FHOD3: variants seen among roughly 807,000 people sequenced by gnomAD.
FHOD3 encodes the protein formin homology 2 domain containing 3, also known as FH1/FH2 domain-containing protein 3.
In FHOD3, 90 loss-of-function variants were observed where a neutral mutation model predicts 173.0. That is an observed-to-expected ratio of 0.52 (90% CI 0.44 to 0.62). FHOD3 has a LOEUF of 0.62. Among genes scored for constraint, FHOD3 ranks in the 20% least tolerant of loss-of-function variants. The probability of loss-of-function intolerance (pLI) is 0.00; values close to 1 mark genes in which losing one functional copy is unlikely to be tolerated. For missense variants in FHOD3, 1,945 were observed against 2,034.7 expected (o/e 0.96, Z 0.85); for synonymous variants, 828 against 823.0 (o/e 1.01, Z -0.10).
chr18:36,602,937 A>G (rs2031586540), intron 8 of FHOD3, among the ~76,000 whole-genome samples, 169 bp downstream of exon 8: 1 of 152,196 alleles, frequency 6.6e-6, no homozygotes, highest in African/African-American at 2.4e-5. Context: ...TATAAGAGGA[A>G]AAGAGACACA....
At chr18:36,525,849 A>T (rs2146701214) in intron 5 of FHOD3, among the ~76,000 whole-genome samples, 1 of 152,224 alleles carries the variant, frequency 6.6e-6, no homozygotes, top group East Asian at 1.9e-4. Context: ...GCAATAAAGG[A>T]CTCTCTTCCA....
intron 3 of FHOD3, among the ~76,000 whole-genome samples, chr18:36,403,728 C>A (rs2048930124): frequency 6.6e-6 from 1 of 152,188 alleles, no homozygotes; most frequent in South Asian, 2.1e-4. Flanking sequence ...AAAGACATTT[C>A]AATTTAAGGT....
intron 8 of FHOD3, among the ~76,000 whole-genome samples, chr18:36,608,378 A>G (rs1172976864): frequency 6.6e-6 from 1 of 152,052 alleles, no homozygotes; most frequent in Non-Finnish European, 1.5e-5. Flanking sequence ...CCAGGAAACT[A>G]CTCCTACAAT....
chr18:36,455,241 A>G (rs2052113406), intron 3 of FHOD3, among the ~76,000 whole-genome samples: 1 of 152,250 alleles, frequency 6.6e-6, no homozygotes, highest in Admixed American at 6.5e-5. Flanking sequence ...GATATCCTGC[A>G]GCAAACCTTC....
chr18:36,337,610 C>T (rs938257966), intron 1 of FHOD3, among the ~76,000 whole-genome samples: 57 of 152,332 alleles, frequency 3.7e-4, no homozygotes, highest in African/African-American at 1.2e-3. Context: ...GTCCTCTGCT[C>T]ATGAGCAAGG....
At chr18:36,344,444 C>A (rs1196002074) in intron 1 of FHOD3, among the ~76,000 whole-genome samples, 1 of 152,030 alleles carries the variant, frequency 6.6e-6, no homozygotes, top group East Asian at 1.9e-4. Flanking sequence ...TTAAAGTGGT[C>A]TAGTGTCCTT....
intron 5 of FHOD3, among the ~76,000 whole-genome samples, chr18:36,537,536 A>G (rs1459876437): frequency 6.6e-6 from 1 of 152,144 alleles, no homozygotes; most frequent in South Asian, 2.1e-4. Flanking sequence ...GGTGTCAGAG[A>G]AAGCCAAGTA....
intron 14 of FHOD3, among the ~76,000 whole-genome samples, chr18:36,662,907 A>G (rs1462138627): frequency 6.6e-6 from 1 of 152,134 alleles, no homozygotes; most frequent in Non-Finnish European, 1.5e-5. Context: ...GTCTACTTCT[A>G]TATCTTTGAC....
rs2036062300 is a variant in FHOD3 at position 36,651,709 on chromosome 18, T to TG, written c.1287-856dup. 2.0e-5 allele frequency among the ~76,000 whole-genome samples: 3 copies of TG among 151,130 alleles called. 1 individual carries two copies. Among genetic ancestry groups the TG allele is most frequent in the East Asian group, 3.9e-4 (2 of 5,122 alleles). On this transcript the variant is annotated intron_variant, in intron 11 of 28. Transcript: ENST00000590592. ...AAAGGTTGCCGTGAGCCAAGATCAC[T>TG]GGGGGCAACAAGAGCAAAACTCTGT... is the stretch of plus-strand genomic sequence containing the variant.
intron 3 of FHOD3, among the ~76,000 whole-genome samples, chr18:36,483,489 T>C (rs1368075815): frequency 4.6e-5 from 7 of 152,232 alleles, no homozygotes; most frequent in Non-Finnish European, 7.3e-5. Context: ...TCTATTACTT[T>C]ATCCATCTAC....
intron 1 of FHOD3, among the ~76,000 whole-genome samples, chr18:36,306,405 T>TTTACAGTA (rs2092098753): frequency 6.6e-6 from 1 of 152,170 alleles, no homozygotes; most frequent in Non-Finnish European, 1.5e-5. Flanking sequence ...TGATGTCTGG[T>TTTACAGTA]GGGGTGGAGG....
chr18:36,550,037 C>A (rs2057579147), intron 5 of FHOD3, among the ~76,000 whole-genome samples: 1 of 151,544 alleles, frequency 6.6e-6, no homozygotes. Context: ...AACAACTGTT[C>A]CAGCACCAAC....
At chr18:36,742,546 T>C (rs1238464458) in intron 21 of FHOD3, among the ~76,000 whole-genome samples, 191 bp from the exon 22 acceptor site, 1 of 152,132 alleles carries the variant, frequency 6.6e-6, no homozygotes, top group African/African-American at 2.4e-5. Context: ...CCTTTTGGTC[T>C]CCACTGCAGG....
chr18:36,607,194 C>A (rs566885109), intron 8 of FHOD3, among the ~76,000 whole-genome samples: 1 of 152,336 alleles, frequency 6.6e-6, no homozygotes, highest in South Asian at 2.1e-4. Flanking sequence ...CTGTCCATAA[C>A]CTTCTTTTAG....
intron 6 of FHOD3, among the ~76,000 whole-genome samples, chr18:36,580,423 G>C (rs1472002166): frequency 6.6e-6 from 1 of 152,220 alleles, no homozygotes; most frequent in Admixed American, 6.5e-5. Flanking sequence ...CCAAGAGTCA[G>C]CCTGTGCCTT....
At chr18:36,587,370 C>T (rs1281590362) in intron 6 of FHOD3, among the ~76,000 whole-genome samples, 1 of 152,178 alleles carries the variant, frequency 6.6e-6, no homozygotes, top group East Asian at 1.9e-4. Flanking sequence ...GGAGGGGGAG[C>T]TTCTGACCTC....
intron 3 of FHOD3, among the ~76,000 whole-genome samples, chr18:36,485,633 G>A (rs139215006): frequency 6.6e-6 from 1 of 152,276 alleles, no homozygotes; most frequent in East Asian, 1.9e-4. Flanking sequence ...AGTGACAAGT[G>A]GCATTATCAT....
intron 10 of FHOD3, among the ~76,000 whole-genome samples, chr18:36,635,708 A>G (rs79229360): frequency 0.026 from 3,890 of 152,284 alleles, 176 homozygotes; most frequent in African/African-American, 0.09. Context: ...GGTCAGGCAG[A>G]TGGAAATTCC....
intron 27 of FHOD3, among the ~76,000 whole-genome samples, chr18:36,764,061 C>G (rs1379650944): frequency 6.6e-6 from 1 of 152,064 alleles, no homozygotes. Flanking sequence ...AGAACCAAAA[C>G]CCTGATTTTA....
Sources: allele counts gnomAD v4.1 joint callset (sites outside exome capture counted in the v4.1 genomes callset), GRCh38; gene constraint gnomAD v4.1.1; transcripts MANE v1.5; gene names NCBI Gene and HGNC (gene_info 2026-07-23, HGNC 2026-07-21).